The following SMC6 variants were observed in gnomAD, a reference collection of about 807,000 sequenced individuals.
The protein encoded by SMC6 is structural maintenance of chromosomes 6.
Under a neutral mutation model 142.2 loss-of-function variants are expected in SMC6, and 79 were observed. The ratio of observed to expected loss-of-function variants is 0.56; its 90% CI spans 0.46 to 0.67. The LOEUF is 0.67. Among genes scored for constraint, SMC6 ranks in the 30% least tolerant of loss-of-function variants. SMC6 has a pLI of 0.00. For synonymous variants in SMC6, 411 were observed against 412.4 expected (o/e 1.00, Z 0.04); for missense variants, 1,072 against 1,284.0 (o/e 0.83, Z 2.52).
intron 23 of SMC6, among the ~76,000 whole-genome samples, chr2:17,684,005 G>C (rs1333848245): frequency 6.6e-6 from 1 of 152,176 alleles, no homozygotes; most frequent in African/African-American, 2.4e-5. Context: ...AGGAGGCAGA[G>C]ACAGTGTGTG....
intron 24 of SMC6, chr2:17,680,961 C>T (rs550092669): frequency 6.6e-6 from 1 of 152,172 alleles, no homozygotes; most frequent in South Asian, 2.1e-4. Flanking sequence ...CTATGAAAGC[C>T]GTAGATCGTA....
At chr2:17,743,410 CTATTTCATTTTTT>C (rs1277872260) in intron 3 of SMC6, among the ~76,000 whole-genome samples, 2 of 151,430 alleles carry the variant, frequency 1.3e-5, no homozygotes, top group African/African-American at 4.9e-5. Flanking sequence ...TTAGACCTAA[CTATTTCATTTTTT>C]AATACTTAAT....
At chr2:17,746,792 C>T (rs766011429) in intron 2 of SMC6, among the ~76,000 whole-genome samples, 1 of 152,058 alleles carries the variant, frequency 6.6e-6, no homozygotes, top group Non-Finnish European at 1.5e-5. Flanking sequence ...CTTTAGAGTA[C>T]ATTTAAGACC....
intron 8 of SMC6, among the ~76,000 whole-genome samples, chr2:17,725,885 T>C (rs964607321): frequency 2.0e-5 from 3 of 151,934 alleles, no homozygotes; most frequent in African/African-American, 7.3e-5. Flanking sequence ...GCCAGGATTT[T>C]GAGACCAGCC....
chr2:17,736,606 G>T (rs182993181), intron 5 of SMC6, among the ~76,000 whole-genome samples: 1 of 152,050 alleles, frequency 6.6e-6, no homozygotes, highest in African/African-American at 2.4e-5. Context: ...TGAGTGTGGT[G>T]GCTCACACCT....
At chr2:17,719,397 G>C (rs1434461666) in intron 11 of SMC6, among the ~76,000 whole-genome samples, 1 of 152,138 alleles carries the variant, frequency 6.6e-6, no homozygotes, top group Non-Finnish European at 1.5e-5. Flanking sequence ...TGTAAGACAA[G>C]GTGGTAAGGA....
chr2:17,732,932 TGTGTACTCCAACTTGTGTTAAAA>T (rs1669981009), intron 5 of SMC6, among the ~76,000 whole-genome samples: 1 of 152,162 alleles, frequency 6.6e-6, no homozygotes. Flanking sequence ...AATCTTTATT[TGTGTACTCCAACTTGTGTTAAAA>T]TAAGACTTGG....
At chr2:17,750,187 A>G (rs1445510564) in intron 2 of SMC6, among the ~76,000 whole-genome samples, 3 of 152,240 alleles carry the variant, frequency 2.0e-5, no homozygotes, top group Admixed American at 2.0e-4. Flanking sequence ...CTGTGGCTCA[A>G]TATAGAAGAT....
At chr2:17,712,350 T>G (rs1056009431) in intron 16 of SMC6, among the ~76,000 whole-genome samples, 1 of 152,152 alleles carries the variant, frequency 6.6e-6, no homozygotes, top group African/African-American at 2.4e-5. Flanking sequence ...AGGAGAGGGC[T>G]GAAATAATTT....
At chr2:17,720,029 C>T (rs951120457) in intron 11 of SMC6, among the ~76,000 whole-genome samples, 1 of 151,892 alleles carries the variant, frequency 6.6e-6, no homozygotes, top group Non-Finnish European at 1.5e-5. Context: ...AGTACATTTG[C>T]GGGGGAAGGG....
intron 3 of SMC6, among the ~76,000 whole-genome samples, chr2:17,745,247 TTGGAAAAGACTG>T (rs1183762892): frequency 6.6e-6 from 1 of 151,628 alleles, no homozygotes; most frequent in Non-Finnish European, 1.5e-5. Flanking sequence ...CTTATGATTT[TTGGAAAAGACTG>T]TGTAGATTCA....
At chr2:17,671,132 C>T (rs1398708327) in intron 25 of SMC6, among the ~76,000 whole-genome samples, 2 of 151,768 alleles carry the variant, frequency 1.3e-5, no homozygotes, top group Non-Finnish European at 2.9e-5. Flanking sequence ...TCTCAGCTTC[C>T]CAAAGTGCTG....
chr2:17,727,713 T>A (rs1474331549), intron 7 of SMC6, among the ~76,000 whole-genome samples: 1 of 152,180 alleles, frequency 6.6e-6, no homozygotes, highest in African/African-American at 2.4e-5. Flanking sequence ...TTAAAAATAA[T>A]CTTCATAAGG....
intron 18 of SMC6, among the ~76,000 whole-genome samples, chr2:17,704,217 G>A (rs776674353): frequency 1.3e-5 from 2 of 151,996 alleles, no homozygotes; most frequent in Admixed American, 6.6e-5. Flanking sequence ...TAACTGAATC[G>A]TATTCTCTAA....
In SMC6 at chr2:17,670,584, G is replaced by C; in HGVS notation, c.2911-9C>G. 6.6e-7 allele frequency: 1 copy of C among 1,520,178 alleles called. No individual in the cohort carries two copies. The highest frequency in any genetic ancestry group is 8.8e-7 in the Non-Finnish European group (1 of 1,142,296). 94.2% of individuals were successfully genotyped at this position (1,520,178 alleles called of 1,614,324 possible). ...CCTTCTCCAGGCTGAACCTTGAAGAGAATGAGTTGACAAGGAACAAAAAAC... is the reference window on the plus strand; with the variant it reads ...CCTTCTCCAGGCTGAACCTTGAAGACAATGAGTTGACAAGGAACAAAAAAC... On this transcript the variant is annotated splice_polypyrimidine_tract_variant and intron_variant, in intron 25 of 27. Transcript: ENST00000448223.
At chr2:17,726,072 A>AGCAAG (rs1215675704) in intron 8 of SMC6, among the ~76,000 whole-genome samples, 221 of 128,078 alleles carry the variant, frequency 1.7e-3, no homozygotes, top group African/African-American at 6.5e-3. Context: ...TGGAAGACAG[A>AGCAAG]GCAAGGCTCT....
chr2:17,688,686 G>T (rs998507489), intron 23 of SMC6, among the ~76,000 whole-genome samples: 1 of 152,104 alleles, frequency 6.6e-6, no homozygotes, highest in Non-Finnish European at 1.5e-5. Flanking sequence ...ATTAATAACT[G>T]TAACAGTAGA....
At chr2:17,723,351 T>C (rs1255344448) in intron 9 of SMC6, among the ~76,000 whole-genome samples, 1 of 152,200 alleles carries the variant, frequency 6.6e-6, no homozygotes, top group Non-Finnish European at 1.5e-5. Context: ...ATTAATGAAG[T>C]CATCCATTTT....
chr2:17,738,948 C>G (rs951430206), intron 4 of SMC6, among the ~76,000 whole-genome samples: 7 of 152,130 alleles, frequency 4.6e-5, no homozygotes, highest in African/African-American at 1.7e-4. Flanking sequence ...TGGGCCCAGC[C>G]AGAAACCACT....
Sources: gnomAD v4.1 joint callset for allele counts (sites outside exome capture counted in the v4.1 genomes callset) on GRCh38, gnomAD v4.1.1 for gene constraint, MANE v1.5 for transcripts, NCBI Gene and HGNC (gene_info 2026-07-23, HGNC 2026-07-21) for gene names.